The following SLC35F3 variants were observed in gnomAD, a reference collection of about 807,000 sequenced individuals.
The protein encoded by SLC35F3 is solute carrier family 35 member F3.
In SLC35F3, 25 loss-of-function variants were observed where a neutral mutation model predicts 49.9. The observed-to-expected ratio is 0.50, with a 90% CI of 0.37 to 0.70. The LOEUF is 0.70. Among genes scored for constraint, SLC35F3 ranks in the 30% least tolerant of loss-of-function variants. The probability of loss-of-function intolerance (pLI) is 0.00; values close to 1 mark genes in which losing one functional copy is unlikely to be tolerated. For synonymous variants in SLC35F3, 275 were observed against 265.4 expected (o/e 1.04, Z -0.35); for missense variants, 525 against 639.8 (o/e 0.82, Z 1.94).
At chr1:234,247,691 G>T (rs1242930202) in intron 3 of SLC35F3, among the ~76,000 whole-genome samples, 2 of 151,832 alleles carry the variant, frequency 1.3e-5, no homozygotes, top group Admixed American at 1.3e-4. Flanking sequence ...CGGTTGGCTG[G>T]TCCATTGTTC....
intron 2 of SLC35F3, among the ~76,000 whole-genome samples, chr1:234,154,637 A>G (rs1666124541): frequency 6.6e-6 from 1 of 152,190 alleles, no homozygotes; most frequent in Admixed American, 6.5e-5. Flanking sequence ...TTCCCCCAAT[A>G]GTTTAAATAG....
intron 2 of SLC35F3, among the ~76,000 whole-genome samples, chr1:234,034,038 T>C (rs1664104797): frequency 6.6e-6 from 1 of 152,216 alleles, no homozygotes; most frequent in Non-Finnish European, 1.5e-5. Flanking sequence ...CTTTCAGCAG[T>C]GTTTTATAGT....
intron 3 of SLC35F3, among the ~76,000 whole-genome samples, chr1:234,292,637 TGGAATG>T (rs1668527546): frequency 1.3e-5 from 2 of 152,200 alleles, no homozygotes; most frequent in South Asian, 4.1e-4. Context: ...TGTTCTGTCT[TGGAATG>T]GGAAAGGGCC....
chr1:233,995,108 A>G (rs181517599), intron 2 of SLC35F3, among the ~76,000 whole-genome samples: 81 of 152,398 alleles, frequency 5.3e-4, no homozygotes, highest in Admixed American at 3.3e-3. Context: ...CTACAAGTAC[A>G]TAAATGTCCA....
intron 3 of SLC35F3, among the ~76,000 whole-genome samples, chr1:234,301,826 C>T (rs1668697150): frequency 1.3e-5 from 2 of 152,124 alleles, no homozygotes; most frequent in South Asian, 4.1e-4. Context: ...AAAGAAAGTG[C>T]AGTACATATA....
chr1:234,223,266 A>C (rs1654481636), intron 2 of SLC35F3, among the ~76,000 whole-genome samples: 1 of 152,180 alleles, frequency 6.6e-6, no homozygotes, highest in African/African-American at 2.4e-5. Context: ...TAGGTGTCTG[A>C]TTACTGAGAT....
chr1:233,968,825 C>T (rs1662944104), intron 2 of SLC35F3, among the ~76,000 whole-genome samples: 1 of 152,152 alleles, frequency 6.6e-6, no homozygotes, highest in Admixed American at 6.6e-5. Flanking sequence ...CCCACTCTCC[C>T]TCTTCTAGTA....
rs973278274 is a variant in SLC35F3, at chr1:233,944,337, T to A, written c.283+38579T>A. Reference sequence around the variant, plus strand: ...GTTGAACACTTGCTTCATTTATTTCTAAATTTTATGGTTTAATATATATAT... The same window carrying A: ...GTTGAACACTTGCTTCATTTATTTCAAAATTTTATGGTTTAATATATATAT... On this transcript the variant is annotated intron_variant, in intron 2 of 7. Transcript: ENST00000366618. Among the ~76,000 whole-genome samples the A allele has an allele frequency of 3.9e-5, 6 of 152,240 alleles. No individual in the cohort carries two copies. In the East Asian group the frequency reaches 1.2e-3, roughly 29 times the overall value.
At chr1:234,204,251 G>GAT (rs1666940351) in intron 2 of SLC35F3, among the ~76,000 whole-genome samples, 1 of 151,864 alleles carries the variant, frequency 6.6e-6, no homozygotes, top group Non-Finnish European at 1.5e-5. Context: ...CCAGAACTTT[G>GAT]ATATATATTA....
intron 2 of SLC35F3, among the ~76,000 whole-genome samples, chr1:234,063,137 T>A (rs12061719): frequency 1.6e-4 from 24 of 152,098 alleles, no homozygotes; most frequent in African/African-American, 5.8e-4. Flanking sequence ...AGAGCCTCCG[T>A]CCTGTTCCCG....
intron 2 of SLC35F3, among the ~76,000 whole-genome samples, chr1:234,057,178 G>T (rs917732210): frequency 6.6e-6 from 1 of 152,112 alleles, no homozygotes; most frequent in Non-Finnish European, 1.5e-5. Flanking sequence ...TAGAGTCTGT[G>T]TATTGATTTC....
At chr1:234,149,137 CTG>C (rs2102907592) in intron 2 of SLC35F3, among the ~76,000 whole-genome samples, 1 of 152,236 alleles carries the variant, frequency 6.6e-6, no homozygotes, top group Admixed American at 6.5e-5. Flanking sequence ...ATGACGGAAT[CTG>C]TGTGGATGGA....
intron 2 of SLC35F3, among the ~76,000 whole-genome samples, chr1:234,124,561 A>C (rs1024029396): frequency 6.6e-6 from 1 of 152,186 alleles, no homozygotes; most frequent in Non-Finnish European, 1.5e-5. Flanking sequence ...TAGGGAAAGA[A>C]TGAAGCTAAA....
chr1:233,987,775 A>G (rs1395902268), intron 2 of SLC35F3, among the ~76,000 whole-genome samples: 1 of 152,022 alleles, frequency 6.6e-6, no homozygotes, highest in Non-Finnish European at 1.5e-5. Flanking sequence ...TCCTAGACTA[A>G]TCTTTTAATC....
At position 233,929,861 on chromosome 1, in the gene SLC35F3, T is replaced by C. The variant is rs531856507; in HGVS notation, c.283+24103T>C. On this transcript the variant is annotated intron_variant, in intron 2 of 7. Coordinates refer to ENST00000366618, the MANE Select transcript of SLC35F3 (RefSeq NM_173508.4). ...TAGAATAAGTTTCTTGTAAAGGATGTTGTGCCACTGTTGAAGCCATTTCAA... is the reference window on the plus strand; with the variant it reads ...TAGAATAAGTTTCTTGTAAAGGATGCTGTGCCACTGTTGAAGCCATTTCAA... 7.2e-5 allele frequency among the ~76,000 whole-genome samples: 11 copies of C among 152,294 alleles called. No homozygotes were observed. In the South Asian group the frequency reaches 2.3e-3, roughly 32 times the overall value.
intron 2 of SLC35F3, among the ~76,000 whole-genome samples, chr1:233,979,049 AAAAACAAAAAGC>A (rs906177744): frequency 3.3e-5 from 5 of 152,044 alleles, no homozygotes; most frequent in Non-Finnish European, 5.9e-5. Context: ...TTAAAAAAAA[AAAAACAAAAAGC>A]AAAACAAAAC....
At chr1:234,240,594 G>A (rs1667538093) in intron 3 of SLC35F3, among the ~76,000 whole-genome samples, 2 of 151,098 alleles carry the variant, frequency 1.3e-5, no homozygotes, top group South Asian at 4.2e-4. Flanking sequence ...GACAGAGTGA[G>A]ACCCTCTCTG....
At chr1:234,259,603 G>C (rs1192633586) in intron 3 of SLC35F3, among the ~76,000 whole-genome samples, 1 of 152,054 alleles carries the variant, frequency 6.6e-6, no homozygotes, top group Non-Finnish European at 1.5e-5. Flanking sequence ...GAACCCAGGA[G>C]GCAGAGGTTG....
chr1:233,909,572 C>G lies in SLC35F3; in HGVS notation c.283+3814C>G, dbSNP rs1661835728. Among the ~76,000 whole-genome samples the G allele has an allele frequency of 2.6e-5, 4 of 152,236 alleles. 1 individual carries two copies. In the South Asian group the frequency reaches 8.3e-4, roughly 32 times the overall value. On this transcript the variant is annotated intron_variant, in intron 2 of 7. Transcript: ENST00000366618. ...CTCTACTCTTTCCTAGTTCTTCCATCACAAGTGCTTCCTGAACCACAGACT... is the reference window on the plus strand; with the variant it reads ...CTCTACTCTTTCCTAGTTCTTCCATGACAAGTGCTTCCTGAACCACAGACT...
Sources: allele counts gnomAD v4.1 joint callset (sites outside exome capture counted in the v4.1 genomes callset), GRCh38; gene constraint gnomAD v4.1.1; transcripts MANE v1.5; gene names NCBI Gene and HGNC (gene_info 2026-07-23, HGNC 2026-07-21).